Variants in HPD observed in about 807,000 individuals in gnomAD.
HPD encodes 4-hydroxyphenylpyruvate dioxygenase.
Under a neutral mutation model 56.9 loss-of-function variants are expected in HPD, and 35 were observed. The ratio of observed to expected loss-of-function variants is 0.62; its 90% confidence interval spans 0.47 to 0.82. The LOEUF (loss-of-function observed/expected upper bound fraction) is 0.82. HPD is among the 40% of genes least tolerant of loss of function. The pLI is 0.00. For missense variants in HPD, 442 were observed against 506.8 expected (o/e 0.87, Z 1.23); for synonymous variants, 186 against 200.2 (o/e 0.93, Z 0.60).
intron 7 of HPD, among the ~76,000 whole-genome samples, chr12:121,853,200 C>T (rs1342665944): frequency 6.6e-6 from 1 of 152,042 alleles, no homozygotes; most frequent in African/African-American, 2.4e-5. Context: ...GGAGGGAGTG[C>T]ACCAAGGAGA....
At chr12:121,868,170 A>G (rs1283975037), upstream of HPD, among the ~76,000 whole-genome samples, 1 of 152,158 alleles carries the variant, frequency 6.6e-6, no homozygotes, top group Non-Finnish European at 1.5e-5. Context: ...TGACACAGCG[A>G]GACCCTGTTC....
At chr12:121,868,092 G>C (rs1878371572), upstream of HPD, among the ~76,000 whole-genome samples, 1 of 152,146 alleles carries the variant, frequency 6.6e-6, no homozygotes, top group South Asian at 2.1e-4. Context: ...CAGAGGCTGA[G>C]GCAGGAGGAT....
chr12:121,853,374 A>C (rs974142728), intron 7 of HPD, among the ~76,000 whole-genome samples: 1 of 152,150 alleles, frequency 6.6e-6, no homozygotes, highest in Non-Finnish European at 1.5e-5. Context: ...CACACTTATA[A>C]TCCCAGCACT....
At chr12:121,855,972 CAA>C (rs57671436) in intron 6 of HPD, among the ~76,000 whole-genome samples, 3 of 65,346 alleles carry the variant, frequency 4.6e-5, no homozygotes, top group Non-Finnish European at 5.4e-5. Context: ...CTCCGTCTCA[CAA>C]AAAAAAAAAA....
the HPD span, among the ~76,000 whole-genome samples, chr12:121,884,886 A>G: frequency 6.6e-6 from 1 of 152,026 alleles, no homozygotes; most frequent in Non-Finnish European, 1.5e-5. Context: ...GTCTACAAAT[A>G]TATATCTCTT....
At chr12:121,840,859 A>G (rs568366700) in intron 12 of HPD, among the ~76,000 whole-genome samples, 40 of 151,888 alleles carry the variant, frequency 2.6e-4, no homozygotes, top group African/African-American at 9.7e-4. Context: ...GTTCGAGACC[A>G]GCCTGGCCAA....
intron 4 of HPD, 169 bp from the exon 5 acceptor site, chr12:121,856,794 A>G (rs749721961): frequency 1.0e-5 from 7 of 686,536 alleles, no homozygotes; most frequent in African/African-American, 1.8e-5. Flanking sequence ...GTCCTGAGGG[A>G]TGGGGCTTTC....
the HPD span, among the ~76,000 whole-genome samples, chr12:121,883,005 G>A: frequency 6.6e-6 from 1 of 152,124 alleles, no homozygotes; most frequent in South Asian, 2.1e-4. Flanking sequence ...TGGGATTACA[G>A]GTGTGAGCCA....
chr12:121,850,498 G>T (rs1412312509), intron 7 of HPD, among the ~76,000 whole-genome samples: 4 of 142,040 alleles, frequency 2.8e-5, no homozygotes, highest in Non-Finnish European at 6.1e-5. Flanking sequence ...TTTTAAGGCG[G>T]AGTCTCACTC....
intron 2 of HPD, 70 bp from the exon 3 acceptor site, chr12:121,857,889 G>GGAGTGATA (rs1470963565): frequency 8.5e-7 from 1 of 1,176,166 alleles, no homozygotes; most frequent in Non-Finnish European, 1.3e-6. Context: ...GTGGAGTGAT[G>GGAGTGATA]TCCCCTAGCC....
At chr12:121,848,936 A>T (rs1406179730) in intron 9 of HPD, 63 bp downstream of exon 9, 4 of 1,159,516 alleles carry the variant, frequency 3.4e-6, no homozygotes, top group Non-Finnish European at 5.2e-6. Flanking sequence ...AGGACCAGGG[A>T]GTGGGCCAGT....
chr12:121,884,588 TG>T, the HPD span, among the ~76,000 whole-genome samples: 1 of 143,832 alleles, frequency 7.0e-6, no homozygotes, highest in Non-Finnish European at 1.5e-5. Context: ...ACTACAGACA[TG>T]AGCCACTGCA....
the HPD span, among the ~76,000 whole-genome samples, chr12:121,874,811 G>A: frequency 6.6e-6 from 1 of 150,662 alleles, no homozygotes; most frequent in Non-Finnish European, 1.5e-5. Context: ...ACCCAGGCTG[G>A]AGTGCAATGG....
the HPD span, among the ~76,000 whole-genome samples, chr12:121,885,581 G>T: frequency 1.3e-5 from 2 of 152,050 alleles, no homozygotes; most frequent in African/African-American, 4.8e-5. Flanking sequence ...TTTTCTAAGG[G>T]CACTGTCTTA....
At chr12:121,861,801 G>A (rs1202546516), upstream of HPD, among the ~76,000 whole-genome samples, 1 of 152,276 alleles carries the variant, frequency 6.6e-6, no homozygotes, top group South Asian at 2.1e-4. Context: ...AGAAAGCCTC[G>A]CTTCGCTCTT....
At chr12:121,880,874 A>C in the HPD span, among the ~76,000 whole-genome samples, 4 of 152,170 alleles carry the variant, frequency 2.6e-5, no homozygotes, top group Non-Finnish European at 4.4e-5. Context: ...AGCTCACTGC[A>C]ACCACTGCCT....
chr12:121,879,728 A>C, the HPD span, among the ~76,000 whole-genome samples: 20 of 152,218 alleles, frequency 1.3e-4, no homozygotes, highest in Non-Finnish European at 2.6e-4. Flanking sequence ...CAAGATATAC[A>C]GATAATGATA....
chr12:121,863,992 C>G (rs188914974), upstream of HPD, among the ~76,000 whole-genome samples: 11 of 150,848 alleles, frequency 7.3e-5, no homozygotes, highest in South Asian at 2.1e-4. Flanking sequence ...CTTTGGGAGG[C>G]CAAGGCAGGC....
chr12:121,879,007 G>A, the HPD span, among the ~76,000 whole-genome samples: 52 of 152,196 alleles, frequency 3.4e-4, no homozygotes, highest in African/African-American at 1.1e-3. Context: ...CTTATAGGCC[G>A]GGTGAGGTGG....
Sources: gnomAD v4.1 joint callset for allele counts (sites outside exome capture counted in the v4.1 genomes callset) on GRCh38, gnomAD v4.1.1 for gene constraint, MANE v1.5 for transcripts, NCBI Gene and HGNC (gene_info 2026-07-23, HGNC 2026-07-21) for gene names.